PBX1: variants seen among roughly 807,000 people sequenced by gnomAD.
The protein encoded by PBX1 is pre-B-cell leukemia transcription factor 1.
A neutral mutation model predicts 53.4 loss-of-function variants in PBX1; 6 were observed. That is an observed-to-expected ratio of 0.11 (90% CI 0.06 to 0.22). The LOEUF (loss-of-function observed/expected upper bound fraction) is 0.22. PBX1 is among the 10% of genes least tolerant of loss of function. PBX1 has a pLI of 1.00. For missense variants in PBX1, 251 were observed against 551.4 expected (o/e 0.46, Z 5.46); for synonymous variants, 204 against 212.3 (o/e 0.96, Z 0.34).
In PBX1 at chr1:164,847,755, A is replaced by C; in HGVS notation, c.*1079A>C. The C allele has an allele frequency of 9.5e-7, 1 of 1,052,722 alleles. No individual in the cohort carries two copies. The highest frequency in any genetic ancestry group is 1.1e-6 in the Non-Finnish European group (1 of 871,404). The allele number at this position is 1,052,722 out of a possible 1,614,324, so 65.2% of individuals were successfully genotyped here. A position where few individuals can be genotyped will look rare whatever the true frequency, so the allele number is the denominator to read the frequency against. ...CCGAGAGAGGGAATTAGTGACTCTA[A>C]GTGAAGGTCACTGACACAGAGAAGC... is the stretch of plus-strand genomic sequence containing the variant. On this transcript the variant is annotated 3_prime_UTR_variant, in exon 9 of 9. Coordinates refer to ENST00000420696, the MANE Select transcript of PBX1 (RefSeq NM_002585.4).
intron 2 of PBX1, among the ~76,000 whole-genome samples, chr1:164,661,103 A>G (rs1660461165): frequency 6.6e-6 from 1 of 152,212 alleles, no homozygotes; most frequent in Non-Finnish European, 1.5e-5. Flanking sequence ...AGCAGCTGAG[A>G]GGAGAAGACT....
At chr1:164,617,756 C>A (rs1392699492) in intron 2 of PBX1, among the ~76,000 whole-genome samples, 1 of 152,088 alleles carries the variant, frequency 6.6e-6, no homozygotes, top group Admixed American at 6.5e-5. Flanking sequence ...ATTTTAAATC[C>A]CTATAGTAGT....
chr1:164,832,733 A>G (rs1670830772), intron 8 of PBX1, among the ~76,000 whole-genome samples: 1 of 152,182 alleles, frequency 6.6e-6, no homozygotes, highest in Non-Finnish European at 1.5e-5. Context: ...GTAATCAACT[A>G]CAAAGCACTG....
At chr1:164,765,313 C>T (rs894066958) in intron 2 of PBX1, among the ~76,000 whole-genome samples, 3 of 152,128 alleles carry the variant, frequency 2.0e-5, no homozygotes, top group Non-Finnish European at 2.9e-5. Context: ...AGATTGTGCA[C>T]ATGTACATGT....
At chr1:164,674,259 G>A (rs1042071941) in intron 2 of PBX1, among the ~76,000 whole-genome samples, 5 of 152,124 alleles carry the variant, frequency 3.3e-5, no homozygotes, top group African/African-American at 1.2e-4. Context: ...GTTATGCTGG[G>A]GTCATGACTT....
intron 2 of PBX1, among the ~76,000 whole-genome samples, chr1:164,707,414 TGTGTGAGAGAGAGAGAGAGAGA>T (rs1468252845): frequency 4.7e-5 from 5 of 106,698 alleles, no homozygotes; most frequent in Non-Finnish European, 9.3e-5. Flanking sequence ...TGTGTGTGTG[TGTGTGAGAGAGAGAGAGAGAGA>T]GAGAGAGAGA....
chr1:164,579,368 A>G lies in PBX1; in HGVS notation c.265+16057A>G, dbSNP rs185613175. 1.9e-4 allele frequency among the ~76,000 whole-genome samples: 29 copies of G among 152,236 alleles called. No individual in the cohort carries two copies. In the East Asian group the frequency reaches 5.2e-3, roughly 27 times the overall value. On this transcript the variant is annotated intron_variant, in intron 2 of 8. Transcript: ENST00000420696. ...CCCTCCCCTTCTCTCCCTCCCTGCT[A>G]GTAGAACATACTGGGTTAACTTAAT...
intron 2 of PBX1, among the ~76,000 whole-genome samples, chr1:164,699,565 C>T (rs1016820953): frequency 6.6e-5 from 10 of 152,052 alleles, no homozygotes; most frequent in Admixed American, 5.2e-4. Flanking sequence ...GCAGGTAGAG[C>T]GAGTGCAGTG....
In PBX1 at chr1:164,582,688, G is replaced by T. The variant is rs551985833; in HGVS notation, c.265+19377G>T. Among the ~76,000 whole-genome samples, 751 of 151,748 alleles carry T rather than the reference G, an allele frequency of 4.9e-3. 14 individuals are homozygous for T. Among genetic ancestry groups the T allele is most frequent in the African/African-American group, 0.017 (716 of 41,542 alleles). On this transcript the variant is annotated intron_variant, in intron 2 of 8. Coordinates refer to ENST00000420696, the MANE Select transcript of PBX1 (RefSeq NM_002585.4). ...TCTGCCTGCCTTGGCCACCCAAAGT[G>T]CTGGGAATTACAAGTGTGAGCCACC... is the stretch of plus-strand genomic sequence containing the variant.
At chr1:164,771,170 A>G (rs916726163) in intron 2 of PBX1, 2 of 152,160 alleles carry the variant, frequency 1.3e-5, no homozygotes, top group African/African-American at 4.8e-5. Context: ...CCGACCAGGT[A>G]CTATTTGAAA....
intron 2 of PBX1, among the ~76,000 whole-genome samples, chr1:164,696,224 T>C (rs1365449300): frequency 6.6e-6 from 1 of 152,162 alleles, no homozygotes; most frequent in Non-Finnish European, 1.5e-5. Context: ...TGGGATCTGC[T>C]ATCTTGGGAA....
intron 2 of PBX1, among the ~76,000 whole-genome samples, chr1:164,881,630 AAAAGG>A (rs1672662066): frequency 3.0e-4 from 14 of 46,008 alleles, no homozygotes; most frequent in African/African-American, 7.9e-4. Flanking sequence ...GGAAGAAGAA[AAAAGG>A]GGAGGAAAAG....
intron 2 of PBX1, among the ~76,000 whole-genome samples, chr1:164,872,682 A>G (rs1672410293): frequency 6.6e-6 from 1 of 152,122 alleles, no homozygotes; most frequent in African/African-American, 2.4e-5. Flanking sequence ...ACCACACACC[A>G]TTGGCCTATA....
chr1:164,816,853 A>AT (rs879695683), intron 6 of PBX1: 1 of 151,704 alleles, frequency 6.6e-6, no homozygotes, highest in Non-Finnish European at 1.5e-5. Context: ...TTTGCTTTTA[A>AT]TTTTTTTGTT....
intron 2 of PBX1, among the ~76,000 whole-genome samples, chr1:164,664,910 A>ATG (rs10691950): frequency 0.81 from 122,659 of 151,552 alleles, 50,890 homozygotes; most frequent in Non-Finnish European, 0.91. Context: ...AGTCCCTCCC[A>ATG]CAATACATGG....
intron 2 of PBX1, among the ~76,000 whole-genome samples, chr1:164,631,866 A>G (rs1416784285): frequency 6.6e-6 from 1 of 152,188 alleles, no homozygotes; most frequent in Non-Finnish European, 1.5e-5. Context: ...ATTTTAGAAG[A>G]TCTGTTTGGC....
chr1:164,564,173 C>T (rs192107533), intron 2 of PBX1, among the ~76,000 whole-genome samples: 26 of 152,166 alleles, frequency 1.7e-4, no homozygotes, highest in Admixed American at 1.4e-3. Context: ...AGATGAGGGA[C>T]AAGGGGTGGT....
chr1:164,747,291 A>G (rs1204241355), intron 2 of PBX1, among the ~76,000 whole-genome samples: 4 of 151,986 alleles, frequency 2.6e-5, no homozygotes, highest in African/African-American at 4.8e-5. Flanking sequence ...ACTTATGTAA[A>G]TTTAGCATCT....
intron 2 of PBX1, among the ~76,000 whole-genome samples, chr1:164,714,895 C>T (rs1261142485): frequency 6.6e-6 from 1 of 152,200 alleles, no homozygotes; most frequent in Non-Finnish European, 1.5e-5. Context: ...AGTGCTTTTG[C>T]ATCTTTTTGA....
Sources: allele counts gnomAD v4.1 joint callset (sites outside exome capture counted in the v4.1 genomes callset), GRCh38; gene constraint gnomAD v4.1.1; transcripts MANE v1.5; gene names NCBI Gene and HGNC (gene_info 2026-07-23, HGNC 2026-07-21).